Variants in GPR179 observed in about 807,000 individuals in gnomAD.
GPR179 encodes G protein-coupled receptor 179.
In GPR179, 52 loss-of-function variants were observed where a neutral mutation model predicts 70.8. That is an observed-to-expected ratio of 0.73 (90% CI 0.59 to 0.93). The LOEUF (loss-of-function observed/expected upper bound fraction) is 0.93. GPR179 is among the 40% of genes least tolerant of loss of function. The probability of loss-of-function intolerance (pLI) is 0.00; values close to 1 mark genes in which losing one functional copy is unlikely to be tolerated. For synonymous variants in GPR179, 1,123 were observed against 1,169.0 expected (o/e 0.96, Z 0.80); for missense variants, 2,734 against 2,966.8 (o/e 0.92, Z 1.82).
rs1331222419 is a variant in GPR179, at chr17:38,331,148, C to A, written c.2421G>T (p.Val807=). 2.5e-6 allele frequency: 4 copies of A among 1,606,414 alleles called. No homozygotes were observed. The highest frequency in any genetic ancestry group is 2.5e-6 in the Non-Finnish European group (3 of 1,179,654). The part of the protein sequence containing the change: ...KASRTESRES[V]EGPPALGFRS... The stretch of plus-strand genomic sequence containing the variant: ...TGAAGCCCAGGGCAGGGGGCCCCTC[C>A]ACCGACTCCCGGCTCTCTGTTCGAG... The change falls in exon 11 of 11, where the codon GTG becomes GTT. Residue 807 remains valine (V), a synonymous_variant. Coordinates refer to ENST00000616987, the MANE Select transcript of GPR179 (RefSeq NM_001004334.4).
chr17:38,335,599 CT>C lies in GPR179; in HGVS notation c.1397del (p.Lys466SerfsTer20). ...FAIVYGTIIL[K>X]LYRVLQLFLS... ...TCTGCCCCAGGCCGTACCTGTAAAGCTTGAGTATGATGGTGCCGTAGACGAT... is the reference window on the plus strand; with the variant it reads ...TCTGCCCCAGGCCGTACCTGTAAAGCTGAGTATGATGGTGCCGTAGACGAT... On this transcript the variant is annotated frameshift_variant, in exon 6 of 11. Transcript: ENST00000616987. LOFTEE classifies it high-confidence loss of function. 6.2e-7 allele frequency: 1 copy of C among 1,611,756 alleles called. No homozygotes were observed. The highest frequency in any genetic ancestry group is 8.5e-7 in the Non-Finnish European group (1 of 1,177,864).
At chr17:38,342,710 A>G (rs530460953) in intron 1 of GPR179, among the ~76,000 whole-genome samples, 7 of 152,268 alleles carry the variant, frequency 4.6e-5, no homozygotes, top group South Asian at 4.1e-4. Context: ...ACCTATTTGT[A>G]TATGCACAGG....
In GPR179 at chr17:38,337,055, C is replaced by T; in HGVS notation, c.1150G>A (p.Val384Met). Residue 384 changes from valine (V) to methionine (M), a missense_variant, in exon 4 of 11, where the codon GTG (valine) becomes ATG (methionine). Val to Met is a conservative substitution (Grantham distance 21). Transcript: ENST00000616987. ...VEEAAVLRAA[V>M]LACQACCMLA... Reference sequence around the variant, plus strand: ...ATGCAGCAGGCCTGGCAGGCCAGCACAGCGGCCCGCAGCACCGCGGCCTCT... The same window carrying T: ...ATGCAGCAGGCCTGGCAGGCCAGCATAGCGGCCCGCAGCACCGCGGCCTCT... 6.2e-7 allele frequency: 1 copy of T among 1,608,232 alleles called. No individual in the cohort carries two copies. The highest frequency in any genetic ancestry group is 8.5e-7 in the Non-Finnish European group (1 of 1,178,184).
rs376271772 is a variant in GPR179 at position 38,325,155 on chromosome 17, T to C, written c.*1310A>G. Among the ~76,000 whole-genome samples the C allele has an allele frequency of 6.6e-6, 1 of 152,184 alleles. No individual in the cohort carries two copies. Among genetic ancestry groups the C allele is most frequent in the Non-Finnish European group, 1.5e-5 (1 of 68,036 alleles). ...GGACTTCTTTGTATGTTTTTCTCCT[T>C]CTTCCTTTCCCTCTGGTATTATCAT... On this transcript the variant is annotated 3_prime_UTR_variant, in exon 11 of 11. Coordinates refer to ENST00000616987, the MANE Select transcript of GPR179 (RefSeq NM_001004334.4).
rs756849166 is a variant in GPR179 at position 38,326,554 on chromosome 17, A to G, written c.7015T>C (p.Ser2339Pro). Residue 2339 changes from serine to proline, a missense_variant, in exon 11 of 11, where the codon TCC becomes CCC. By Grantham distance (74) the Ser-to-Pro change is moderately conservative. Transcript: ENST00000616987. ...SLQEAESQSS[S>P]LTEDSGQVAF... ...ACTTGGCCTGAGTCTTCAGTTAAGG[A>G]CGAAGACTGAGACTCAGCTTCCTGG... is the stretch of plus-strand genomic sequence containing the variant. 1 of 1,614,138 alleles carries G rather than the reference A, an allele frequency of 6.2e-7. No individual in the cohort carries two copies. The highest frequency in any genetic ancestry group is 8.5e-7 in the Non-Finnish European group (1 of 1,179,958).
At chr17:38,335,338 G>T (rs144529755) in intron 6 of GPR179, 67 bp from the exon 7 acceptor site, 1 of 1,217,880 alleles carries the variant, frequency 8.2e-7, no homozygotes. Flanking sequence ...GGGTGCCAGC[G>T]CCCTGGTCTC....
At position 38,324,635 on chromosome 17, in the gene GPR179, GTGTT is replaced by G. The variant is rs1326886386; in HGVS notation, c.*1826_*1829del. ...ACCCCATGGTTTATTTCACAAGAGT[GTGTT>G]TGGCGGCAACTTTGCTGTTTCCAGC... On this transcript the variant is annotated 3_prime_UTR_variant, in exon 11 of 11. Transcript: ENST00000616987. Among the ~76,000 whole-genome samples the G allele has an allele frequency of 7.9e-6, 1 of 126,120 alleles. No individual in the cohort carries two copies. Among genetic ancestry groups the G allele is most frequent in the Admixed American group, 9.3e-5 (1 of 10,808 alleles). The allele number at this position is 126,120 out of a possible 152,430, so 82.7% of individuals were successfully genotyped here.
rs755799904 is a variant in GPR179 at position 38,328,678 on chromosome 17, C to T, written c.4891G>A (p.Asp1631Asn). The change falls in exon 11 of 11, where the codon GAT becomes AAT. Residue 1631 changes from aspartate to asparagine, a missense_variant. Transcript: ENST00000616987. ...TCAGGCTTTTCCCAAGCTGTGACAT[C>T]TTCGATTTCCGATTTTCCAGGCATT... ...EKMPGKSEIE[D>N]VTAWEKPEGQ... is the part of the protein sequence containing the mutation. 2.5e-6 allele frequency: 4 copies of T among 1,614,052 alleles called. No individual in the cohort carries two copies. The highest frequency in any genetic ancestry group is 2.5e-6 in the Non-Finnish European group (3 of 1,180,044).
At chr17:38,335,786 A>G in intron 5 of GPR179, 86 bp from the exon 6 acceptor site, 1 of 861,472 alleles carries the variant, frequency 1.2e-6, no homozygotes, top group Middle Eastern at 2.2e-4. Context: ...GGATCCTCCC[A>G]ACAGCCCTGC....
Position 38,337,661 on chromosome 17 carries a change from A to G in GPR179, c.963T>C (p.Pro321=). The change falls in exon 3 of 11, where the codon CCT becomes CCC. Residue 321 remains proline (P), a synonymous_variant. Transcript: ENST00000616987. ...CAGAGGGGCTTGCCCCGTAGAATCC[A>G]GGTCGGCAGCGGCAGAGGTAGCGGC... ...VLGRYLCRCR[P]GFYGASPSGG... 6.2e-7 allele frequency: 1 copy of G among 1,602,662 alleles called. No homozygotes were observed. The highest frequency in any genetic ancestry group is 8.5e-7 in the Non-Finnish European group (1 of 1,174,886).
At chr17:38,335,430 C>A (rs1163627659) in intron 6 of GPR179, among the ~76,000 whole-genome samples, 159 bp from the exon 7 acceptor site, 1 of 152,200 alleles carries the variant, frequency 6.6e-6, no homozygotes, top group Non-Finnish European at 1.5e-5. Context: ...TACCCCCCCA[C>A]AAAGTAACAT....
chr17:38,335,413 C>T, intron 6 of GPR179, 142 bp from the exon 7 acceptor site: 1 of 805,112 alleles, frequency 1.2e-6, no homozygotes, highest in Non-Finnish European at 2.0e-6. Context: ...GATTTGCTGC[C>T]TTTTGCTACC....
chr17:38,326,822 G>A lies in GPR179; in HGVS notation c.6747C>T (p.Val2249=). The A allele has an allele frequency of 6.2e-7, 1 of 1,614,180 alleles. No homozygotes were observed. The highest frequency in any genetic ancestry group is 8.5e-7 in the Non-Finnish European group (1 of 1,180,012). The part of the protein sequence containing the change: ...ADICPGEETG[V]PSEESGLLAL... ...CCAGGAGGCCAGATTCCTCAGATGG[G>A]ACTCCAGTTTCCTCCCCAGGACAGA... Residue 2249 remains valine, a synonymous_variant, in exon 11 of 11, where the codon GTC becomes GTT. Coordinates refer to ENST00000616987, the MANE Select transcript of GPR179 (RefSeq NM_001004334.4).
In GPR179 at chr17:38,328,337, A is replaced by C; in HGVS notation, c.5232T>G (p.Ala1744=). ...TCTGTGGCTTCTCTGGAGCAGTAACAGCTCTCTCCCTGGGTCCAAGATCTG... is the reference window on the plus strand; with the variant it reads ...TCTGTGGCTTCTCTGGAGCAGTAACCGCTCTCTCCCTGGGTCCAAGATCTG... The part of the protein sequence containing the change: ...VSADLGPRER[A]VTAPEKPQKP... The change falls in exon 11 of 11, where the codon GCT becomes GCG. Residue 1744 remains alanine, a synonymous_variant. Transcript: ENST00000616987. 6.2e-7 allele frequency: 1 copy of C among 1,613,920 alleles called. No individual in the cohort carries two copies. Among genetic ancestry groups the C allele is most frequent in the South Asian group, 1.1e-5 (1 of 91,072 alleles).
At chr17:38,335,964 G>T in intron 5 of GPR179, 112 bp downstream of exon 5, 1 of 819,956 alleles carries the variant, frequency 1.2e-6, no homozygotes, top group Non-Finnish European at 2.2e-6. Context: ...GGAAATCTGT[G>T]GTCTCTGAAT....
At position 38,334,586 on chromosome 17, in the gene GPR179, A is replaced by G. The variant is rs1253372316; in HGVS notation, c.1784+118T>C. The G allele has an allele frequency of 8.9e-7, 1 of 1,127,472 alleles. No homozygotes were observed. The highest frequency in any genetic ancestry group is 1.5e-5 in the African/African-American group (1 of 65,306). 69.8% of individuals were successfully genotyped at this position (1,127,472 alleles called of 1,614,324 possible). A position where few individuals can be genotyped will look rare whatever the true frequency, so the allele number is the denominator to read the frequency against. On this transcript the variant is annotated intron_variant, in intron 8 of 10. Transcript: ENST00000616987. The surrounding 1 kb of genome is among the most constrained non-coding windows in gnomAD (Gnocchi z 4.7). Reference sequence around the variant, plus strand: ...AGAGCCAGAAGTGGGGGCCTTCGTCAACGTGCTGAGGCGTAGCAGTGTTGC... The same window carrying G: ...AGAGCCAGAAGTGGGGGCCTTCGTCGACGTGCTGAGGCGTAGCAGTGTTGC...
chr17:38,326,864 CTTTAT>C lies in GPR179; in HGVS notation c.6700_6704del (p.Ile2234GlyfsTer17), dbSNP rs2037291675. Reference sequence around the variant, plus strand: ...CAGGACAGATGTCTGCCATGGTACCCTTTATTTTATTTCCTTCTGGATCTGTGATT... The same window carrying C: ...CAGGACAGATGTCTGCCATGGTACCCTTTATTTCCTTCTGGATCTGTGATT... On this transcript the variant is annotated frameshift_variant, in exon 11 of 11. Coordinates refer to ENST00000616987, the MANE Select transcript of GPR179 (RefSeq NM_001004334.4). LOFTEE classifies it low-confidence loss of function (END_TRUNC). 3.1e-6 allele frequency: 5 copies of C among 1,614,178 alleles called. No individual in the cohort carries two copies. The highest frequency in any genetic ancestry group is 1.3e-5 in the African/African-American group (1 of 75,046).
chr17:38,327,890 G>A lies in GPR179; in HGVS notation c.5679C>T (p.Asp1893=), dbSNP rs755235932. The stretch of plus-strand genomic sequence containing the variant: ...CTTCACTACTCATGCTGCTGGGCAA[G>A]TCTGAGATCTTGGGGGCCTGAGCAG... The part of the protein sequence containing the change: ...ESPAQAPKIS[D]LPSSMSSEVA... The change falls in exon 11 of 11, where the codon GAC becomes GAT. Residue 1893 remains aspartate (D), a synonymous_variant. Coordinates refer to ENST00000616987, the MANE Select transcript of GPR179 (RefSeq NM_001004334.4). 1 of 1,614,078 alleles carries A rather than the reference G, an allele frequency of 6.2e-7. No homozygotes were observed. Among genetic ancestry groups the A allele is most frequent in the East Asian group, 2.2e-5 (1 of 44,896 alleles).
rs1447167656 is a variant in GPR179 at position 38,333,932 on chromosome 17, C to A, written c.1890+1G>T. 1.2e-6 allele frequency: 2 copies of A among 1,610,860 alleles called. No homozygotes were observed. The highest frequency in any genetic ancestry group is 2.2e-5 in the East Asian group (1 of 44,840). ...TCACAGGCAGGAGGGGAGGGCCTCACCTTAGGGATGAAGATCAGAGCCAGC... is the reference window on the plus strand; with the variant it reads ...TCACAGGCAGGAGGGGAGGGCCTCAACTTAGGGATGAAGATCAGAGCCAGC... On this transcript the variant is annotated splice_donor_variant, in intron 9 of 10. Coordinates refer to ENST00000616987, the MANE Select transcript of GPR179 (RefSeq NM_001004334.4). LOFTEE classifies it high-confidence loss of function.
Sources: gnomAD v4.1 joint callset for allele counts (sites outside exome capture counted in the v4.1 genomes callset) on GRCh38, gnomAD v4.1.1 for gene constraint, Gnocchi (gnomAD v3.1) non-coding constraint, MANE v1.5 for transcripts, NCBI Gene and HGNC (gene_info 2026-07-23, HGNC 2026-07-21) for gene names.